SNAP91: variants seen among roughly 807,000 people sequenced by gnomAD.
SNAP91 encodes the protein synaptosome associated protein 91.
In SNAP91, 27 loss-of-function variants were observed where a neutral mutation model predicts 100.3. That is an observed-to-expected ratio of 0.27 (90% CI 0.20 to 0.37). The LOEUF (loss-of-function observed/expected upper bound fraction) is 0.37. Ranked by LOEUF, SNAP91 falls within the 10% of genes least tolerant of loss-of-function variation. SNAP91 has a pLI of 1.00. For synonymous variants in SNAP91, 404 were observed against 398.6 expected (o/e 1.01, Z -0.16); for missense variants, 986 against 1,123.7 (o/e 0.88, Z 1.75).
At chr6:83,634,253 G>A (rs2097338204) in intron 8 of SNAP91, among the ~76,000 whole-genome samples, 1 of 152,116 alleles carries the variant, frequency 6.6e-6, no homozygotes, top group African/African-American at 2.4e-5. Flanking sequence ...AGCCCACAGG[G>A]ATTTTTTTCA....
chr6:83,624,179 A>C (rs2096842609), intron 8 of SNAP91, among the ~76,000 whole-genome samples: 1 of 152,114 alleles, frequency 6.6e-6, no homozygotes, highest in Non-Finnish European at 1.5e-5. Flanking sequence ...GGGGCAGAGA[A>C]AGAGAGAAGG....
intron 2 of SNAP91, among the ~76,000 whole-genome samples, chr6:83,689,872 G>C (rs2099109171): frequency 6.6e-6 from 1 of 151,716 alleles, no homozygotes. Flanking sequence ...ATTCTATTTT[G>C]ACATTTAACT....
chr6:83,571,854 G>A (rs1427028182), intron 26 of SNAP91, among the ~76,000 whole-genome samples: 1 of 152,174 alleles, frequency 6.6e-6, no homozygotes, highest in Non-Finnish European at 1.5e-5. Flanking sequence ...TGGGAAGGAT[G>A]CAATGGGAGG....
chr6:83,620,664 C>A (rs963908858), intron 9 of SNAP91, among the ~76,000 whole-genome samples: 3 of 151,916 alleles, frequency 2.0e-5, no homozygotes. Flanking sequence ...AGAAGCATAT[C>A]ATATTCTTGT....
chr6:83,665,507 T>C lies in SNAP91; in HGVS notation c.205A>G (p.Asn69Asp), dbSNP rs1230571647. 1 of 1,613,048 alleles carries C rather than the reference T, an allele frequency of 6.2e-7. No homozygotes were observed. Among genetic ancestry groups the C allele is most frequent in the East Asian group, 2.2e-5 (1 of 44,854 alleles). Residue 69 changes from asparagine to aspartate, a missense_variant, in exon 3 of 30, where the codon AAC (asparagine) becomes GAC (aspartate). This residue lies in a region of SNAP91 where 330 missense variants were observed against 447.5 expected (regional missense o/e 0.74). Transcript: ENST00000369694. ...MADTLFERAT[N>D]SSWVVVFKAL... is the part of the protein sequence containing the mutation. ...TTAAACACAACCACCCAGCTACTGT[T>C]TGTTGCCCGCTCAAAGAGAGTGTCG...
intron 6 of SNAP91, among the ~76,000 whole-genome samples, 172 bp from the exon 7 acceptor site, chr6:83,657,037 G>T (rs2098423629): frequency 6.6e-6 from 1 of 152,014 alleles, no homozygotes. Flanking sequence ...ATATGTTTTT[G>T]CTTCAATTTA....
chr6:83,687,621 C>T (rs2099077451), intron 2 of SNAP91, among the ~76,000 whole-genome samples: 1 of 152,074 alleles, frequency 6.6e-6, no homozygotes, highest in African/African-American at 2.4e-5. Flanking sequence ...GGGTTACTAG[C>T]ATAGCAGTGC....
rs1213307208 is a variant in SNAP91, at chr6:83,575,080, C to A, written c.2372G>T (p.Gly791Val). ...TACTTTAGGCTGCCAGTTGGCTCCA[C>A]CAGTCAACTTTTTCTCTCCAGCATT... is the stretch of plus-strand genomic sequence containing the variant. ...QWNAGEKKLT[G>V]GANWQPKVAP... The change falls in exon 26 of 30, where the codon GGT becomes GTT. Residue 791 changes from glycine (G) to valine (V), a missense_variant. By Grantham distance (109) the Gly-to-Val change is moderately radical. Coordinates refer to ENST00000369694, the MANE Select transcript of SNAP91 (RefSeq NM_001242792.2). 1 of 1,607,692 alleles carries A rather than the reference C, an allele frequency of 6.2e-7. No homozygotes were observed. Among genetic ancestry groups the A allele is most frequent in the South Asian group, 1.1e-5 (1 of 89,470 alleles).
intron 2 of SNAP91, among the ~76,000 whole-genome samples, chr6:83,682,172 CTTTTTTTT>C (rs59549595): frequency 4.0e-5 from 5 of 123,500 alleles, no homozygotes; most frequent in South Asian, 2.8e-4. Context: ...TTCTTTAATT[CTTTTTTTT>C]TTTTTTTTTT....
At chr6:83,596,271 C>T (rs926480023) in intron 16 of SNAP91, among the ~76,000 whole-genome samples, 2 of 152,120 alleles carry the variant, frequency 1.3e-5, no homozygotes, top group Admixed American at 6.5e-5. Flanking sequence ...ATAAATAAAA[C>T]TAAAGAATGA....
chr6:83,628,222 C>CATATATATATATATATATATAT (rs57893971), intron 8 of SNAP91, among the ~76,000 whole-genome samples: 1,264 of 124,284 alleles, frequency 0.01, 37 homozygotes, highest in East Asian at 0.02. Flanking sequence ...TTCCATTTTA[C>CATATATATATATATATATATAT]ATATATATAT....
intron 3 of SNAP91, 97 bp downstream of exon 3, chr6:83,665,342 C>T: frequency 4.2e-6 from 5 of 1,185,158 alleles, no homozygotes; most frequent in East Asian, 2.4e-5. Context: ...TTCTTTTTCT[C>T]CTAATTAGTG....
intron 2 of SNAP91, among the ~76,000 whole-genome samples, chr6:83,681,197 T>C (rs1413067971): frequency 6.6e-6 from 1 of 152,278 alleles, no homozygotes; most frequent in Non-Finnish European, 1.5e-5. Flanking sequence ...AGCAATTTTA[T>C]ATAACTCAAC....
chr6:83,569,446 A>G (rs1802673385), intron 26 of SNAP91, among the ~76,000 whole-genome samples: 1 of 152,206 alleles, frequency 6.6e-6, no homozygotes, highest in Admixed American at 6.5e-5. Flanking sequence ...AAAGATGCAA[A>G]ACAGTTGTTA....
intron 14 of SNAP91, among the ~76,000 whole-genome samples, chr6:83,604,968 A>T (rs1160681560): frequency 6.6e-6 from 1 of 152,176 alleles, no homozygotes; most frequent in Non-Finnish European, 1.5e-5. Context: ...TTATTCTGAT[A>T]GTTTGGTACA....
At chr6:83,607,645 A>G in intron 13 of SNAP91, 54 bp downstream of exon 13, 1 of 1,200,164 alleles carries the variant, frequency 8.3e-7, no homozygotes, top group Non-Finnish European at 1.2e-6. Context: ...TAAAAATAAA[A>G]CCAAACTCTA....
chr6:83,623,188 G>C (rs2096798469), intron 9 of SNAP91, 113 bp downstream of exon 9: 2 of 721,058 alleles, frequency 2.8e-6, no homozygotes, highest in Non-Finnish European at 4.7e-6. Flanking sequence ...CAAGAAAGTT[G>C]GTTGGCCTAA....
chr6:83,664,832 TAAAA>T, intron 3 of SNAP91, among the ~76,000 whole-genome samples: 1 of 152,088 alleles, frequency 6.6e-6, no homozygotes, highest in Admixed American at 6.6e-5. Flanking sequence ...AAATCTTTTG[TAAAA>T]GGAAGAGTCA....
At chr6:83,664,735 T>C (rs759707427) in intron 3 of SNAP91, among the ~76,000 whole-genome samples, 1 of 152,134 alleles carries the variant, frequency 6.6e-6, no homozygotes, top group Non-Finnish European at 1.5e-5. Flanking sequence ...GATAAAGCAA[T>C]AGCAAGGTTT....
Sources: gnomAD v4.1 joint callset for allele counts (sites outside exome capture counted in the v4.1 genomes callset) on GRCh38, gnomAD v4.1.1 for gene constraint, gnomAD v4.1.1 regional missense constraint, MANE v1.5 for transcripts, NCBI Gene and HGNC (gene_info 2026-07-23, HGNC 2026-07-21) for gene names.